Variants in PRKG1 observed in about 807,000 individuals in gnomAD.
PRKG1 encodes the protein protein kinase cGMP-dependent 1.
Under a neutral mutation model 88.1 loss-of-function variants are expected in PRKG1, and 35 were observed. That is an observed-to-expected ratio of 0.40 (90% CI 0.30 to 0.53). The LOEUF (loss-of-function observed/expected upper bound fraction) is 0.53. PRKG1 is among the 20% of genes least tolerant of loss of function. The pLI is 0.59. For missense variants in PRKG1, 540 were observed against 839.8 expected (o/e 0.64, Z 4.41); for synonymous variants, 303 against 292.5 (o/e 1.04, Z -0.37).
At chr10:51,704,562 G>A (rs569738046) in intron 3 of PRKG1, among the ~76,000 whole-genome samples, 5 of 152,310 alleles carry the variant, frequency 3.3e-5, no homozygotes, top group African/African-American at 4.8e-5. Context: ...AGATGGAAGA[G>A]AGTGATATGT....
At chr10:51,811,056 T>C (rs10999577) in intron 4 of PRKG1, among the ~76,000 whole-genome samples, 24,360 of 152,072 alleles carry the variant, frequency 0.16, 2,881 homozygotes, top group African/African-American at 0.34. Context: ...CTCAAAGAGA[T>C]CAAAATAAGC....
chr10:52,094,793 C>G (rs1464756648), intron 7 of PRKG1, among the ~76,000 whole-genome samples: 1 of 152,142 alleles, frequency 6.6e-6, no homozygotes, highest in Non-Finnish European at 1.5e-5. Context: ...TTAATCCCAT[C>G]TTGAGGACCC....
chr10:51,224,062 A>G (rs75972427), intron 2 of PRKG1, among the ~76,000 whole-genome samples: 2,783 of 152,296 alleles, frequency 0.018, 74 homozygotes, highest in African/African-American at 0.061. Context: ...AATAGAGAGG[A>G]ACCATGGAGT....
At chr10:51,026,366 T>C (rs1263280361) in intron 1 of PRKG1, among the ~76,000 whole-genome samples, 1 of 152,162 alleles carries the variant, frequency 6.6e-6, no homozygotes, top group Non-Finnish European at 1.5e-5. Context: ...GCCAGATAAA[T>C]TCTTTTTCAG....
intron 3 of PRKG1, among the ~76,000 whole-genome samples, chr10:51,719,156 A>AAAAAAGAG (rs57226820): frequency 1.0e-3 from 152 of 150,288 alleles, no homozygotes; most frequent in South Asian, 1.5e-3. Flanking sequence ...TCTCAAAAAA[A>AAAAAAGAG]AGAGAGAGAG....
chr10:51,871,383 T>G (rs1004252591), intron 4 of PRKG1, among the ~76,000 whole-genome samples: 1 of 152,122 alleles, frequency 6.6e-6, no homozygotes, highest in Non-Finnish European at 1.5e-5. Context: ...TCTTCTTGCT[T>G]CCCCCATCTC....
intron 3 of PRKG1, among the ~76,000 whole-genome samples, chr10:51,773,981 G>T (rs1454043002): frequency 6.6e-6 from 1 of 152,082 alleles, no homozygotes; most frequent in Non-Finnish European, 1.5e-5. Flanking sequence ...ACAAAGTACA[G>T]TCAAGTAGAA....
rs147188057 is a variant in PRKG1, at chr10:52,045,621, G to A, written c.763-8863G>A. On this transcript the variant is annotated intron_variant, in intron 5 of 17. Transcript: ENST00000373980. The stretch of plus-strand genomic sequence containing the variant: ...AGCTGTTTGTGTCTTAAATAATCTT[G>A]GTGAGCTAGGCAAGTTTGGTGTCTT... Among the ~76,000 whole-genome samples the A allele has an allele frequency of 6.8e-3, 1,040 of 152,140 alleles. 4 individuals are homozygous for A. Among genetic ancestry groups the A allele is most frequent in the Non-Finnish European group, 0.011 (730 of 67,966 alleles).
intron 2 of PRKG1, among the ~76,000 whole-genome samples, chr10:51,190,632 T>C (rs963412314): frequency 6.6e-5 from 10 of 151,840 alleles, no homozygotes; most frequent in African/African-American, 2.4e-4. Context: ...TTCTCTTTCT[T>C]TGTGCTCTCT....
At chr10:51,372,833 A>G (rs926704483) in intron 2 of PRKG1, among the ~76,000 whole-genome samples, 2 of 152,148 alleles carry the variant, frequency 1.3e-5, no homozygotes, top group Non-Finnish European at 2.9e-5. Context: ...GTTTAAATTT[A>G]TTGATTTTTA....
intron 3 of PRKG1, among the ~76,000 whole-genome samples, chr10:51,564,691 A>G (rs953285764): frequency 1.3e-5 from 2 of 152,110 alleles, no homozygotes; most frequent in Non-Finnish European, 2.9e-5. Flanking sequence ...ACGCACAGGT[A>G]ATAGGATTGA....
intron 3 of PRKG1, among the ~76,000 whole-genome samples, chr10:51,790,172 G>A (rs1188837165): frequency 6.6e-6 from 1 of 152,076 alleles, no homozygotes; most frequent in Non-Finnish European, 1.5e-5. Context: ...GTCTAAATCT[G>A]GATGCAATTT....
At chr10:51,773,353 TG>T (rs1437077867) in intron 3 of PRKG1, among the ~76,000 whole-genome samples, 1 of 152,114 alleles carries the variant, frequency 6.6e-6, no homozygotes, top group Non-Finnish European at 1.5e-5. Context: ...CATAGATCCA[TG>T]GAATCTTGAT....
chr10:51,271,016 T>G (rs1241022496), intron 2 of PRKG1, among the ~76,000 whole-genome samples: 1 of 152,184 alleles, frequency 6.6e-6, no homozygotes, highest in Admixed American at 6.5e-5. Context: ...CCTAATTGTT[T>G]TGTCAGTGAG....
intron 9 of PRKG1, among the ~76,000 whole-genome samples, chr10:52,198,760 G>T (rs1247860237): frequency 6.6e-6 from 1 of 151,886 alleles, no homozygotes; most frequent in East Asian, 1.9e-4. Flanking sequence ...CGTGGTTTGT[G>T]GTTGCGTCAC....
At chr10:51,556,360 A>G (rs1311138768) in intron 3 of PRKG1, among the ~76,000 whole-genome samples, 1 of 151,940 alleles carries the variant, frequency 6.6e-6, no homozygotes, top group East Asian at 1.9e-4. Flanking sequence ...TAATTTCCAT[A>G]AATATTTCAA....
chr10:51,894,241 T>TA (rs1253703721), intron 4 of PRKG1, among the ~76,000 whole-genome samples: 1 of 152,278 alleles, frequency 6.6e-6, no homozygotes, highest in East Asian at 1.9e-4. Flanking sequence ...TCCTGCACGT[T>TA]AAAATTATCT....
At position 51,765,333 on chromosome 10, in the gene PRKG1, G is replaced by C. The variant is rs556336905; in HGVS notation, c.593-39252G>C. On this transcript the variant is annotated intron_variant, in intron 3 of 17. Coordinates refer to ENST00000373980, the MANE Select transcript of PRKG1 (RefSeq NM_006258.4). Reference sequence around the variant, plus strand: ...CTTCTCTCTTATACAAAACTCCCTTGATTCAGGGAATCTGAGAACTTTGTT... The same window carrying C: ...CTTCTCTCTTATACAAAACTCCCTTCATTCAGGGAATCTGAGAACTTTGTT... Among the ~76,000 whole-genome samples, 3 of 152,258 alleles carry C rather than the reference G, an allele frequency of 2.0e-5. No individual in the cohort carries two copies. In the East Asian group the frequency reaches 5.8e-4, roughly 29 times the overall value.
At chr10:52,094,719 C>T (rs1847134285) in intron 7 of PRKG1, among the ~76,000 whole-genome samples, 1 of 152,150 alleles carries the variant, frequency 6.6e-6, no homozygotes, top group African/African-American at 2.4e-5. Context: ...TTGCTGTGTG[C>T]TCACAGGGCT....
Sources: gnomAD v4.1 joint callset for allele counts (sites outside exome capture counted in the v4.1 genomes callset) on GRCh38, gnomAD v4.1.1 for gene constraint, MANE v1.5 for transcripts, NCBI Gene and HGNC (gene_info 2026-07-23, HGNC 2026-07-21) for gene names.